The following WDHD1 variants were observed in gnomAD, a reference collection of about 807,000 sequenced individuals.
The protein encoded by WDHD1 is WD repeat and HMG-box DNA-binding protein 1.
WDHD1 carries 111 observed loss-of-function variants against 135.4 expected under a neutral mutation model. That is an observed-to-expected ratio of 0.82 (90% confidence interval 0.70 to 0.96). WDHD1 has a LOEUF of 0.96. WDHD1 is among the 40% of genes least tolerant of loss of function. The pLI, the probability that WDHD1 is intolerant of heterozygous loss-of-function variation, is 0.00. For synonymous variants in WDHD1, 434 were observed against 439.0 expected, an observed-to-expected ratio of 0.99 and a Z score of 0.14; for missense variants, 1,351 against 1,336.3, an observed-to-expected ratio of 1.01 and a Z score of -0.17.
intron 25 of WDHD1, among the ~76,000 whole-genome samples, chr14:54,943,056 A>G (rs969861530): frequency 6.6e-6 from 1 of 152,202 alleles, no homozygotes; most frequent in African/African-American, 2.4e-5. Flanking sequence ...ATAAAACCCA[A>G]TTTACCAAAG....
rs768398203 is a variant in WDHD1 at position 54,941,647 on chromosome 14, G to A, written c.3233C>T (p.Thr1078Ile). 1.2e-6 allele frequency: 2 copies of A among 1,613,818 alleles called. No individual in the cohort carries two copies. The highest frequency in any genetic ancestry group is 1.7e-6 in the Non-Finnish European group (2 of 1,179,884). ...KAKGETASEG[T>I]EAKKRKRVVD... Reference sequence around the variant, plus strand: ...CACACGTTTTCGCTTCTTTGCTTCAGTTCCTTCACTTGCCGTTTCTCCTTT... The same window carrying A: ...CACACGTTTTCGCTTCTTTGCTTCAATTCCTTCACTTGCCGTTTCTCCTTT... Residue 1078 changes from threonine (T) to isoleucine (I), a missense_variant, in exon 26 of 26, where the codon ACT becomes ATT. By Grantham distance (89) the Thr-to-Ile change is moderately conservative. Around this residue, in one of 2 missense-constraint regions of WDHD1, gnomAD observed 1,330 missense variants for 1,296.1 expected, o/e 1.03. Transcript: ENST00000360586.
intron 24 of WDHD1, among the ~76,000 whole-genome samples, chr14:54,950,898 C>T (rs1450311190): frequency 6.6e-6 from 1 of 152,146 alleles, no homozygotes; most frequent in African/African-American, 2.4e-5. Flanking sequence ...TGAATGACTA[C>T]TGGGTACATA....
chr14:54,962,826 G>A lies in WDHD1; in HGVS notation c.2559C>T (p.Ser853=), dbSNP rs777786564. Reference sequence around the variant, plus strand: ...CAACTTGATTTCTGAACCTTGGTTGGCTCCACTCTGTAGCAGTATTGCTGT... The same window carrying A: ...CAACTTGATTTCTGAACCTTGGTTGACTCCACTCTGTAGCAGTATTGCTGT... ...AGYSNTATEW[S]QPRFRNQVEE... is the part of the protein sequence containing the mutation. Residue 853 remains serine, a synonymous_variant, in exon 20 of 26, where the codon AGC becomes AGT. Transcript: ENST00000360586. 8 of 1,612,752 alleles carry A rather than the reference G, an allele frequency of 5.0e-6. No individual in the cohort carries two copies. The highest frequency in any genetic ancestry group is 6.8e-6 in the Non-Finnish European group (8 of 1,179,990).
At chr14:54,949,573 A>T (rs906876858) in intron 24 of WDHD1, among the ~76,000 whole-genome samples, 2 of 152,132 alleles carry the variant, frequency 1.3e-5, no homozygotes, top group Non-Finnish European at 2.9e-5. Flanking sequence ...GTTGGAAAAC[A>T]CTCTGCAGGA....
chr14:55,020,771 C>G (rs931412019), intron 2 of WDHD1, among the ~76,000 whole-genome samples: 8 of 152,264 alleles, frequency 5.3e-5, no homozygotes, highest in African/African-American at 1.9e-4. Context: ...TAAAACTTTA[C>G]TAACAGCCTA....
intron 24 of WDHD1, among the ~76,000 whole-genome samples, chr14:54,948,803 G>A (rs10129802): frequency 0.31 from 47,472 of 151,942 alleles, 7,567 homozygotes; most frequent in African/African-American, 0.37. Flanking sequence ...CCTCTGAGAC[G>A]AGGCTTCCAG....
chr14:54,963,310 C>G (rs866830201), intron 18 of WDHD1, 138 bp from the exon 19 acceptor site: 17 of 685,294 alleles, frequency 2.5e-5, no homozygotes, highest in Non-Finnish European at 3.4e-5. Flanking sequence ...CACATTTTTA[C>G]AAGTTTTAAC....
intron 2 of WDHD1, among the ~76,000 whole-genome samples, chr14:55,017,681 A>G (rs187608630): frequency 2.6e-5 from 4 of 152,356 alleles, no homozygotes; most frequent in African/African-American, 7.2e-5. Flanking sequence ...GAAATCTGTG[A>G]AACACAAAAG....
At chr14:54,996,582 AGAGT>A in intron 10 of WDHD1, among the ~76,000 whole-genome samples, 1 of 152,308 alleles carries the variant, frequency 6.6e-6, no homozygotes, top group East Asian at 1.9e-4. Flanking sequence ...CCTGGGTGAC[AGAGT>A]GAGACCCTGT....
At chr14:54,997,774 G>A (rs551674402) in intron 10 of WDHD1, among the ~76,000 whole-genome samples, 3 of 152,146 alleles carry the variant, frequency 2.0e-5, no homozygotes, top group Non-Finnish European at 2.9e-5. Context: ...AGCCAGGCGT[G>A]GGGGCACAAG....
chr14:54,969,547 G>C (rs953190508), intron 16 of WDHD1, among the ~76,000 whole-genome samples: 5 of 151,954 alleles, frequency 3.3e-5, no homozygotes, highest in Non-Finnish European at 5.9e-5. Context: ...AACCAATAAT[G>C]AGTTCCAAAA....
At chr14:54,948,393 C>T (rs556349224) in intron 24 of WDHD1, among the ~76,000 whole-genome samples, 33 of 152,306 alleles carry the variant, frequency 2.2e-4, no homozygotes, top group Admixed American at 1.1e-3. Context: ...AACGGCACAC[C>T]AGGAGATTAT....
Position 55,026,754 on chromosome 14 carries a change from GC to G in WDHD1, c.33del (p.His12IlefsTer18). The G allele has an allele frequency of 6.2e-7, 1 of 1,614,166 alleles. No homozygotes were observed. The highest frequency in any genetic ancestry group is 8.5e-7 in the Non-Finnish European group (1 of 1,180,024). MPATRKPMRY[G>X]HTEGHTEVCF... ...CAGACCTCCGTGTGTCCCTCTGTAT[GC>G]CCATATCTCATTGGCTTCCGTGTGG... On this transcript the variant is annotated frameshift_variant, in exon 2 of 26. Transcript: ENST00000360586. LOFTEE classifies it high-confidence loss of function.
intron 10 of WDHD1, among the ~76,000 whole-genome samples, chr14:54,997,739 C>T (rs748146482): frequency 4.6e-5 from 7 of 151,858 alleles, no homozygotes; most frequent in South Asian, 2.1e-4. Context: ...AGTGAAACCC[C>T]GTCTCTACTA....
chr14:54,955,895 C>CGTTTTTTTTTTTT (rs1281053966), intron 23 of WDHD1, among the ~76,000 whole-genome samples: 1 of 110,096 alleles, frequency 9.1e-6, no homozygotes. Context: ...CCATGTTTTC[C>CGTTTTTTTTTTTT]TTTTTTTTTT....
chr14:54,948,455 T>A (rs1001878647), intron 24 of WDHD1, among the ~76,000 whole-genome samples: 2 of 152,112 alleles, frequency 1.3e-5, no homozygotes, highest in Admixed American at 6.5e-5. Flanking sequence ...CACTCATTGC[T>A]AGCACAGCAG....
At chr14:55,005,720 T>A (rs2042055726) in intron 7 of WDHD1, 1 of 448,800 alleles carries the variant, frequency 2.2e-6, no homozygotes, top group African/African-American at 2.0e-5. Context: ...ACGATGGGAA[T>A]CCAGAACAAC....
At chr14:54,969,197 C>G (rs1045404887) in intron 16 of WDHD1, among the ~76,000 whole-genome samples, 5 of 152,044 alleles carry the variant, frequency 3.3e-5, no homozygotes, top group Admixed American at 1.3e-4. Flanking sequence ...CACCACCACG[C>G]CCAGCTAATG....
intron 21 of WDHD1, among the ~76,000 whole-genome samples, chr14:54,960,574 A>C (rs1349336720): frequency 6.7e-6 from 1 of 150,160 alleles, no homozygotes; most frequent in Non-Finnish European, 1.5e-5. Flanking sequence ...ATCTCCACTT[A>C]CTGCAACTCC....
Sources: allele counts gnomAD v4.1 joint callset (sites outside exome capture counted in the v4.1 genomes callset), GRCh38; gene constraint gnomAD v4.1.1; regional missense constraint gnomAD v4.1.1; transcripts MANE v1.5; gene names NCBI Gene and HGNC (gene_info 2026-07-23, HGNC 2026-07-21).